HERC3: variants seen among roughly 807,000 people sequenced by gnomAD.
The protein encoded by HERC3 is probable E3 ubiquitin-protein ligase HERC3.
HERC3 carries 58 observed loss-of-function variants against 129.9 expected under a neutral mutation model. The ratio of observed to expected loss-of-function variants is 0.45; its 90% CI spans 0.36 to 0.56. The LOEUF is 0.56. HERC3 is among the 20% of genes least tolerant of loss of function. The pLI, the probability that HERC3 is intolerant of heterozygous loss-of-function variation, is 0.00. For missense variants in HERC3, 835 were observed against 1,244.2 expected, an observed-to-expected ratio of 0.67 and a Z score of 4.95; for synonymous variants, 430 against 451.0, an observed-to-expected ratio of 0.95 and a Z score of 0.59.
At chr4:88,560,212 G>A in the HERC3 span, among the ~76,000 whole-genome samples, 1 of 152,042 alleles carries the variant, frequency 6.6e-6, no homozygotes, top group South Asian at 2.1e-4. Context: ...CACCCGCCTC[G>A]GCCTCCCAAA....
intron 22 of HERC3, 103 bp from the exon 23 acceptor site, chr4:88,687,114 A>C (rs1252240280): frequency 1.2e-6 from 1 of 822,608 alleles, no homozygotes; most frequent in African/African-American, 1.7e-5. Flanking sequence ...TGTAATAGTC[A>C]TGAAACTACA....
At chr4:88,698,283 C>T (rs1734887525) in intron 23 of HERC3, among the ~76,000 whole-genome samples, 1 of 152,184 alleles carries the variant, frequency 6.6e-6, no homozygotes, top group African/African-American at 2.4e-5. Context: ...CAAGCTGGCT[C>T]CATTCCACCC....
the HERC3 span, among the ~76,000 whole-genome samples, chr4:88,552,863 C>T: frequency 6.6e-6 from 1 of 152,100 alleles, no homozygotes; most frequent in Non-Finnish European, 1.5e-5. Flanking sequence ...TTTCAGAAGC[C>T]ATATTCGGTA....
intron 4 of HERC3, among the ~76,000 whole-genome samples, chr4:88,651,493 C>G (rs1273743707): frequency 6.6e-6 from 1 of 152,152 alleles, no homozygotes; most frequent in Non-Finnish European, 1.5e-5. Flanking sequence ...AAATTACTTA[C>G]TATGTACCTT....
chr4:88,658,609 G>T, intron 10 of HERC3, 118 bp downstream of exon 10: 1 of 503,532 alleles, frequency 2.0e-6, no homozygotes. Context: ...CCAATCCTAT[G>T]TTATTTTTAA....
At chr4:88,677,028 G>T (rs1033341969) in intron 18 of HERC3, among the ~76,000 whole-genome samples, 2 of 152,078 alleles carry the variant, frequency 1.3e-5, no homozygotes, top group Non-Finnish European at 2.9e-5. Context: ...TCAGCTACGC[G>T]GGAGGCTGAG....
chr4:88,660,220 G>C (rs1480933104), intron 10 of HERC3, among the ~76,000 whole-genome samples: 1 of 138,984 alleles, frequency 7.2e-6, no homozygotes, highest in Non-Finnish European at 1.6e-5. Flanking sequence ...TTTTTTTTTT[G>C]AGATGGAGTC....
the HERC3 span, among the ~76,000 whole-genome samples, chr4:88,579,232 A>AAAAAAAAAATATATATATATATATAT: frequency 9.6e-6 from 1 of 104,088 alleles, no homozygotes. Context: ...AAAAAAAAAA[A>AAAAAAAAAATATATATATATATATAT]ATATATATAT....
At chr4:88,570,825 T>G in the HERC3 span, among the ~76,000 whole-genome samples, 2 of 151,972 alleles carry the variant, frequency 1.3e-5, no homozygotes, top group Non-Finnish European at 2.9e-5. Context: ...CAGGCTTGAG[T>G]GCACTGCAAG....
chr4:88,570,299 A>C, the HERC3 span, among the ~76,000 whole-genome samples: 1 of 152,246 alleles, frequency 6.6e-6, no homozygotes. Flanking sequence ...TCTGAAAAAC[A>C]ACCCTGACAA....
chr4:88,608,526 A>G (rs573195545), intron 3 of HERC3, among the ~76,000 whole-genome samples: 3 of 152,364 alleles, frequency 2.0e-5, no homozygotes, highest in South Asian at 4.1e-4. Context: ...TGAAAATGCC[A>G]CTAATTCAGA....
At chr4:88,691,930 A>G (rs1220924110) in intron 23 of HERC3, among the ~76,000 whole-genome samples, 1 of 152,266 alleles carries the variant, frequency 6.6e-6, no homozygotes, top group African/African-American at 2.4e-5. Context: ...TAACAGTAAG[A>G]TATTTGCTGG....
chr4:88,538,606 C>T, the HERC3 span, among the ~76,000 whole-genome samples: 80 of 147,636 alleles, frequency 5.4e-4, no homozygotes, highest in Admixed American at 6.2e-4. Flanking sequence ...TGCAGTGGTG[C>T]GATCTCCGCT....
chr4:88,706,119 G>A (rs1185700131), intron 25 of HERC3, among the ~76,000 whole-genome samples: 5 of 152,184 alleles, frequency 3.3e-5, no homozygotes, highest in Non-Finnish European at 5.9e-5. Context: ...GAAACTTTAT[G>A]TATCACAGCC....
At chr4:88,615,755 A>G (rs553110701) in intron 3 of HERC3, among the ~76,000 whole-genome samples, 7 of 152,330 alleles carry the variant, frequency 4.6e-5, no homozygotes, top group African/African-American at 1.7e-4. Flanking sequence ...TAAACACTCA[A>G]TTAGTACTAG....
intron 3 of HERC3, among the ~76,000 whole-genome samples, chr4:88,616,095 G>A (rs1347475314): frequency 1.3e-5 from 2 of 152,182 alleles, no homozygotes; most frequent in Non-Finnish European, 1.5e-5. Flanking sequence ...TGAGGAAGAT[G>A]TTATAAGTTA....
chr4:88,609,087 G>A (rs761106426), intron 3 of HERC3, among the ~76,000 whole-genome samples: 4 of 145,820 alleles, frequency 2.7e-5, no homozygotes, highest in Non-Finnish European at 5.9e-5. Flanking sequence ...AGGAGTTGGG[G>A]ACCAGCCTGG....
chr4:88,688,496 A>C (rs1312373744), intron 23 of HERC3, among the ~76,000 whole-genome samples: 1 of 152,192 alleles, frequency 6.6e-6, no homozygotes, highest in Non-Finnish European at 1.5e-5. Flanking sequence ...TATATAACCA[A>C]ATAGGAGCTA....
intron 5 of HERC3, 93 bp from the exon 6 acceptor site, chr4:88,652,776 G>C (rs1729432095): frequency 7.5e-7 from 1 of 1,340,202 alleles, no homozygotes; most frequent in Non-Finnish European, 1.0e-6. Flanking sequence ...TTGGTGTTGG[G>C]GGGCAACTGG....
Sources: gnomAD v4.1 joint callset for allele counts (sites outside exome capture counted in the v4.1 genomes callset) on GRCh38, gnomAD v4.1.1 for gene constraint, MANE v1.5 for transcripts, NCBI Gene and HGNC (gene_info 2026-07-23, HGNC 2026-07-21) for gene names.